The following KLF13 variants were observed in gnomAD, a reference collection of about 807,000 sequenced individuals.
KLF13 encodes the protein KLF transcription factor 13.
KLF13 carries 8 observed loss-of-function variants against 16.7 expected under a neutral mutation model. The ratio of observed to expected loss-of-function variants is 0.48; its 90% CI spans 0.28 to 0.87. The LOEUF is 0.87. Ranked by LOEUF, KLF13 falls within the 40% of genes least tolerant of loss-of-function variation. The pLI, the probability that KLF13 is intolerant of heterozygous loss-of-function variation, is 0.10. For missense variants in KLF13, 447 were observed against 452.2 expected (o/e 0.99, Z 0.10); for synonymous variants, 245 against 208.4 (o/e 1.18, Z -1.51).
Position 31,327,152 on chromosome 15 carries a change from G to A in KLF13, c.-61G>A. 1 of 1,247,158 alleles carries A rather than the reference G, an allele frequency of 8.0e-7. No homozygotes were observed. 77.3% of individuals were successfully genotyped at this position (1,247,158 alleles called of 1,614,324 possible). On this transcript the variant is annotated 5_prime_UTR_variant, in exon 1 of 2. Coordinates refer to ENST00000307145, the MANE Select transcript of KLF13 (RefSeq NM_015995.4). ...CCCCGCCCGCTCTCCCGAGGCCGTGGGTGCGGATGCGCGGCTGACGACTCG... is the reference window on the plus strand; with the variant it reads ...CCCCGCCCGCTCTCCCGAGGCCGTGAGTGCGGATGCGCGGCTGACGACTCG...
chr15:31,328,994 G>A (rs11631368), intron 1 of KLF13, among the ~76,000 whole-genome samples: 1 of 152,146 alleles, frequency 6.6e-6, no homozygotes, highest in Non-Finnish European at 1.5e-5. Context: ...AGAAGCTGCA[G>A]CCTTGGATAC....
At chr15:31,421,444 A>C (rs1188458931) in intron 1 of KLF13, among the ~76,000 whole-genome samples, 1 of 152,236 alleles carries the variant, frequency 6.6e-6, no homozygotes. Context: ...AAATAGAACT[A>C]TAATTATCAA....
chr15:31,407,532 A>G (rs757302365), downstream of KLF13, among the ~76,000 whole-genome samples: 1 of 152,252 alleles, frequency 6.6e-6, no homozygotes, highest in Non-Finnish European at 1.5e-5. Flanking sequence ...TCATGAAAGC[A>G]AAAATAATGT....
At chr15:31,430,376 G>T (rs184097788) in intron 1 of KLF13, among the ~76,000 whole-genome samples, 1 of 152,258 alleles carries the variant, frequency 6.6e-6, no homozygotes, top group Admixed American at 6.5e-5. Flanking sequence ...CCAAGGATTG[G>T]GTAATTTATA....
chr15:31,365,890 C>G (rs1026646719), intron 1 of KLF13, among the ~76,000 whole-genome samples: 1 of 152,160 alleles, frequency 6.6e-6, no homozygotes, highest in Non-Finnish European at 1.5e-5. Context: ...CCTGCGCCCC[C>G]CTTCCGGCTG....
chr15:31,327,611 C>A lies in KLF13; in HGVS notation c.399C>A (p.Pro133=). Residue 133 remains proline, a synonymous_variant, in exon 1 of 2, where the codon CCC becomes CCA. Transcript: ENST00000307145. ...CGGAGCCCGAGGCGGGGCTGGAGCCCGAGCGGGAGCCGGGGCCCGCGGGGA... is the reference window on the plus strand; with the variant it reads ...CGGAGCCCGAGGCGGGGCTGGAGCCAGAGCGGGAGCCGGGGCCCGCGGGGA... The part of the protein sequence containing the change: ...SEPEPEAGLE[P]EREPGPAGSG... 7.6e-7 allele frequency: 1 copy of A among 1,321,008 alleles called. No individual in the cohort carries two copies. Among genetic ancestry groups the A allele is most frequent in the Non-Finnish European group, 9.8e-7 (1 of 1,020,372 alleles). 81.8% of individuals were successfully genotyped at this position (1,321,008 alleles called of 1,614,324 possible). A position where few individuals can be genotyped will look rare whatever the true frequency, so the allele number is the denominator to read the frequency against.
chr15:31,332,955 G>A (rs1344281792), intron 1 of KLF13, among the ~76,000 whole-genome samples: 2 of 152,180 alleles, frequency 1.3e-5, no homozygotes, highest in Admixed American at 1.3e-4. Flanking sequence ...AGAGACCCTG[G>A]AATAATGAAC....
intron 1 of KLF13, among the ~76,000 whole-genome samples, chr15:31,362,274 A>G (rs2140957619): frequency 6.6e-6 from 1 of 152,336 alleles, no homozygotes; most frequent in South Asian, 2.1e-4. Context: ...ACAATTTATC[A>G]GGGAGGGCCC....
At chr15:31,379,719 G>A (rs985949246), downstream of KLF13, among the ~76,000 whole-genome samples, 2 of 152,188 alleles carry the variant, frequency 1.3e-5, no homozygotes, top group East Asian at 3.8e-4. Context: ...AAGCAGTTTC[G>A]GGTGGCGGAG....
intron 1 of KLF13, among the ~76,000 whole-genome samples, chr15:31,328,665 C>T (rs1464991594): frequency 2.0e-5 from 3 of 152,102 alleles, no homozygotes; most frequent in Non-Finnish European, 2.9e-5. Flanking sequence ...TCACCGCCCG[C>T]CCCCGCCAGC....
chr15:31,431,968 G>A (rs1566852691), intron 1 of KLF13, among the ~76,000 whole-genome samples: 1 of 151,784 alleles, frequency 6.6e-6, no homozygotes, highest in Non-Finnish European at 1.5e-5. Context: ...ATCTGGGGAA[G>A]GGCACGGGGA....
chr15:31,355,563 G>C (rs553612473), intron 1 of KLF13, among the ~76,000 whole-genome samples: 4 of 152,172 alleles, frequency 2.6e-5, no homozygotes, highest in South Asian at 2.1e-4. Flanking sequence ...GCTCGATAAC[G>C]TGCTCATAGG....
downstream of KLF13, among the ~76,000 whole-genome samples, chr15:31,378,662 G>A (rs1040301647): frequency 2.6e-5 from 4 of 152,176 alleles, no homozygotes; most frequent in African/African-American, 9.7e-5. Flanking sequence ...GTAGACCAGC[G>A]CTGCATCTGG....
intron 1 of KLF13, among the ~76,000 whole-genome samples, chr15:31,385,572 A>T (rs9672214): frequency 0.051 from 7,794 of 152,260 alleles, 289 homozygotes; most frequent in East Asian, 0.13. Context: ...CTATTATTAC[A>T]TCTATTATGG....
chr15:31,370,699 A>G (rs1241825332), intron 1 of KLF13, among the ~76,000 whole-genome samples: 3 of 152,194 alleles, frequency 2.0e-5, no homozygotes, highest in African/African-American at 7.2e-5. Context: ...GATTATAGGC[A>G]TGAGCCACCG....
At chr15:31,371,921 AGGGTGTT>A (rs2039560368) in intron 1 of KLF13, 82 bp from the exon 2 acceptor site, 1 of 1,395,210 alleles carries the variant, frequency 7.2e-7, no homozygotes, top group South Asian at 1.4e-5. Context: ...TTGAGAGACC[AGGGTGTT>A]GGGTGTTGCG....
intron 1 of KLF13, among the ~76,000 whole-genome samples, chr15:31,427,545 C>T (rs1412070704): frequency 2.0e-5 from 3 of 152,088 alleles, no homozygotes; most frequent in African/African-American, 7.2e-5. Context: ...TCACAATAGC[C>T]AAGATGTGGA....
At chr15:31,400,177 C>T (rs977289511) in intron 2 of KLF13, among the ~76,000 whole-genome samples, 2 of 152,200 alleles carry the variant, frequency 1.3e-5, no homozygotes, top group African/African-American at 4.8e-5. Context: ...TGGCCTTCCT[C>T]AATGGGGAAA....
At chr15:31,345,359 CT>C (rs1042380792) in intron 1 of KLF13, among the ~76,000 whole-genome samples, 14 of 152,200 alleles carry the variant, frequency 9.2e-5, no homozygotes, top group African/African-American at 3.4e-4. Flanking sequence ...ACCCTGTGTG[CT>C]GCTCTGGGGG....
Sources: allele counts gnomAD v4.1 joint callset (sites outside exome capture counted in the v4.1 genomes callset), GRCh38; gene constraint gnomAD v4.1.1; transcripts MANE v1.5; gene names NCBI Gene and HGNC (gene_info 2026-07-23, HGNC 2026-07-21).